SORBS2: variants seen among roughly 807,000 people sequenced by gnomAD.
The protein encoded by SORBS2 is sorbin and SH3 domain containing 2, also known as sorbin and SH3 domain-containing protein 2.
In SORBS2, 46 loss-of-function variants were observed where a neutral mutation model predicts 97.7. That is an observed-to-expected ratio of 0.47 (90% CI 0.37 to 0.60). SORBS2 has a LOEUF of 0.60. SORBS2 is among the 20% of genes least tolerant of loss of function. The pLI is 0.00. For missense variants in SORBS2, 1,316 were observed against 1,282.3 expected (o/e 1.03, Z -0.40); for synonymous variants, 476 against 473.4 (o/e 1.01, Z -0.07).
At chr4:185,908,306 T>TATATATGTATACACACAA (rs1554049963) in intron 1 of SORBS2, among the ~76,000 whole-genome samples, 1 of 110,296 alleles carries the variant, frequency 9.1e-6, no homozygotes, top group African/African-American at 3.8e-5. Context: ...TATATATATA[T>TATATATGTATACACACAA]ATATATATAT....
At chr4:185,731,454 C>T (rs1277131395) in intron 2 of SORBS2, among the ~76,000 whole-genome samples, 3 of 147,858 alleles carry the variant, frequency 2.0e-5, no homozygotes, top group Non-Finnish European at 4.5e-5. Context: ...CTCCCCCTCC[C>T]TCCCTCCCTG....
chr4:185,891,789 G>C (rs1023072673), intron 1 of SORBS2, among the ~76,000 whole-genome samples: 9 of 152,160 alleles, frequency 5.9e-5, no homozygotes, highest in Non-Finnish European at 8.8e-5. Context: ...CAGTGAATTG[G>C]TTTTGTCTGT....
chr4:185,691,046 C>T (rs2098083976), intron 2 of SORBS2, among the ~76,000 whole-genome samples: 2 of 151,962 alleles, frequency 1.3e-5, no homozygotes, highest in African/African-American at 4.8e-5. Context: ...ATTACAGGCA[C>T]ATGCCACCAC....
intron 1 of SORBS2, among the ~76,000 whole-genome samples, chr4:185,852,589 T>G (rs1007354716): frequency 6.6e-6 from 1 of 152,204 alleles, no homozygotes; most frequent in Non-Finnish European, 1.5e-5. Flanking sequence ...TTTCCTTGAA[T>G]GATAGGAAAA....
chr4:185,673,873 C>T (rs2097756669), intron 4 of SORBS2, among the ~76,000 whole-genome samples: 1 of 152,124 alleles, frequency 6.6e-6, no homozygotes, highest in African/African-American at 2.4e-5. Context: ...TGCGGTGAAC[C>T]ATCCCTTTCT....
chr4:185,870,559 C>T (rs886184198), intron 1 of SORBS2, among the ~76,000 whole-genome samples: 4 of 152,218 alleles, frequency 2.6e-5, no homozygotes, highest in South Asian at 2.1e-4. Flanking sequence ...CATCTGAAAA[C>T]GCTGCCCAGC....
At chr4:185,699,412 GA>G (rs2098226895) in intron 2 of SORBS2, among the ~76,000 whole-genome samples, 1 of 150,866 alleles carries the variant, frequency 6.6e-6, no homozygotes, top group Admixed American at 6.7e-5. Flanking sequence ...TCATCCTGCA[GA>G]GTAGCTGGGG....
chr4:185,802,358 GATGT>G (rs916130293), intron 1 of SORBS2, among the ~76,000 whole-genome samples: 10 of 152,030 alleles, frequency 6.6e-5, no homozygotes, highest in Admixed American at 4.6e-4. Flanking sequence ...GTCCTTGATG[GATGT>G]ATAATAAATG....
intron 1 of SORBS2, among the ~76,000 whole-genome samples, chr4:185,843,652 T>C (rs2099212913): frequency 6.6e-6 from 1 of 150,452 alleles, no homozygotes; most frequent in South Asian, 2.1e-4. Context: ...CTTTGTATGC[T>C]GAAAACTATA....
In SORBS2 at chr4:185,638,046, G is replaced by A. The variant is rs188632174; in HGVS notation, c.397-7448C>T. On this transcript the variant is annotated intron_variant, in intron 4 of 14. Transcript: ENST00000418609. ...TTAGAAATCAAACAGTATACTCCTA[G>A]TTTTCTTATATTAATAGTCTAGCCT... is the stretch of plus-strand genomic sequence containing the variant. 372 of 1,285,086 alleles carry A rather than the reference G, an allele frequency of 2.9e-4. 4 individuals carry two copies. The East Asian group carries it at 8.1e-3, about 28-fold the overall frequency. The allele number at this position is 1,285,086 out of a possible 1,614,324, so 79.6% of individuals were successfully genotyped here. A position where few individuals can be genotyped will look rare whatever the true frequency, so the allele number is the denominator to read the frequency against.
intron 2 of SORBS2, among the ~76,000 whole-genome samples, chr4:185,735,813 C>T (rs1253090867): frequency 1.3e-5 from 2 of 152,022 alleles, no homozygotes; most frequent in African/African-American, 4.8e-5. Flanking sequence ...ATGAAGTTTA[C>T]CTTATTTAAC....
chr4:185,639,150 C>G (rs1581568660), intron 4 of SORBS2, 115 bp from the exon 14 acceptor site: 1 of 963,332 alleles, frequency 1.0e-6, no homozygotes, highest in Non-Finnish European at 1.5e-6. Flanking sequence ...GAGAGGCCTC[C>G]GGACGGCGAA....
intron 1 of SORBS2, among the ~76,000 whole-genome samples, chr4:185,827,897 TCATCATCATAC>T (rs1468166498): frequency 1.6e-5 from 2 of 127,600 alleles, no homozygotes; most frequent in Non-Finnish European, 3.3e-5. Flanking sequence ...AGCGTCACCA[TCATCATCATAC>T]CATCATCATC....
chr4:185,863,669 A>G (rs966723064), intron 1 of SORBS2, among the ~76,000 whole-genome samples: 1 of 152,140 alleles, frequency 6.6e-6, no homozygotes, highest in African/African-American at 2.4e-5. Context: ...TGGTATTTTT[A>G]TGATTTCTAA....
intron 1 of SORBS2, among the ~76,000 whole-genome samples, chr4:185,856,158 C>CA (rs1456905305): frequency 6.6e-6 from 1 of 152,182 alleles, no homozygotes; most frequent in African/African-American, 2.4e-5. Flanking sequence ...CAATTTAAAG[C>CA]ATGCATCTTA....
chr4:185,837,338 C>G (rs902917591), intron 1 of SORBS2, among the ~76,000 whole-genome samples: 2 of 152,104 alleles, frequency 1.3e-5, no homozygotes, highest in African/African-American at 2.4e-5. Context: ...CCTGGGAAAA[C>G]TGAACCTGAA....
At chr4:185,942,107 T>C (rs953996311) in intron 1 of SORBS2, among the ~76,000 whole-genome samples, 2 of 152,034 alleles carry the variant, frequency 1.3e-5, no homozygotes, top group Admixed American at 1.3e-4. Flanking sequence ...CAGAGCCAGA[T>C]TCCATTTAAA....
At chr4:185,831,755 A>T (rs2099205282) in intron 1 of SORBS2, among the ~76,000 whole-genome samples, 1 of 152,184 alleles carries the variant, frequency 6.6e-6, no homozygotes, top group Admixed American at 6.5e-5. Context: ...TGACTCCTAA[A>T]GTTCTATTCT....
chr4:185,628,276 A>G (rs973358972), intron 5 of SORBS2, among the ~76,000 whole-genome samples: 1 of 151,664 alleles, frequency 6.6e-6, no homozygotes, highest in Non-Finnish European at 1.5e-5. Context: ...TATAAAGCGG[A>G]GTTCTAACAA....
Sources: gnomAD v4.1 joint callset for allele counts (sites outside exome capture counted in the v4.1 genomes callset) on GRCh38, gnomAD v4.1.1 for gene constraint, MANE v1.5 for transcripts, NCBI Gene and HGNC (gene_info 2026-07-23, HGNC 2026-07-21) for gene names.